Variants in C8orf34 observed in about 807,000 individuals in gnomAD.
C8orf34 encodes the protein uncharacterized protein C8orf34.
A neutral mutation model predicts 68.3 loss-of-function variants in C8orf34; 65 were observed. The observed-to-expected ratio is 0.95, with a 90% CI of 0.78 to 1.17. The LOEUF is 1.17. C8orf34 is among the 50% of genes most tolerant of loss of function. C8orf34 has a pLI of 0.00. For missense variants in C8orf34, 664 were observed against 655.4 expected, an observed-to-expected ratio of 1.01 and a Z score of -0.14; for synonymous variants, 244 against 241.2, an observed-to-expected ratio of 1.01 and a Z score of -0.11.
chr8:68,418,358 T>A (rs1265502161), intron 1 of C8orf34, among the ~76,000 whole-genome samples: 1 of 151,884 alleles, frequency 6.6e-6, no homozygotes, highest in Non-Finnish European at 1.5e-5. Context: ...AGAGAGGGCA[T>A]CCCTGTCTTG....
chr8:68,633,981 A>G (rs1182992401), intron 7 of C8orf34, among the ~76,000 whole-genome samples: 2 of 152,128 alleles, frequency 1.3e-5, no homozygotes, highest in African/African-American at 4.8e-5. Flanking sequence ...AATTTATTTA[A>G]TACTTAATAC....
rs578146644 is a variant in C8orf34, at chr8:68,341,266, G to A, written c.327+9927G>A. On this transcript the variant is annotated intron_variant, in intron 1 of 13. Transcript: ENST00000518698. Reference sequence around the variant, plus strand: ...CTAAGGATGCCAATCCCGTTCATGAGGGTTGTCAAAGTACAGAAGTAGTTC... The same window carrying A: ...CTAAGGATGCCAATCCCGTTCATGAAGGTTGTCAAAGTACAGAAGTAGTTC... Among the ~76,000 whole-genome samples, 6 of 152,244 alleles carry A rather than the reference G, an allele frequency of 3.9e-5. No homozygotes were observed. The South Asian group carries it at 1.0e-3, about 26-fold the overall frequency.
chr8:68,555,370 A>G (rs548917520), intron 7 of C8orf34, among the ~76,000 whole-genome samples: 5 of 152,190 alleles, frequency 3.3e-5, no homozygotes, highest in Admixed American at 3.3e-4. Context: ...GCATTTTATG[A>G]GTGTTGGCTA....
At chr8:68,406,625 A>G (rs1809206674) in intron 1 of C8orf34, among the ~76,000 whole-genome samples, 1 of 151,968 alleles carries the variant, frequency 6.6e-6, no homozygotes, top group South Asian at 2.1e-4. Context: ...CCTTTCAAGT[A>G]GCTGGGACTA....
At chr8:68,668,200 G>C (rs1006385835) in intron 8 of C8orf34, among the ~76,000 whole-genome samples, 3 of 151,590 alleles carry the variant, frequency 2.0e-5, no homozygotes, top group Admixed American at 2.0e-4. Context: ...TTTTTATTTT[G>C]AGCCTCCATT....
rs373025400 is a variant in C8orf34 at position 68,668,049 on chromosome 8, C to T, written c.1241+27538C>T. ...CTAATAATTTAGAAATAATTGACAG[C>T]TCAGAAATTCTAGAAAATAATATAG... On this transcript the variant is annotated intron_variant, in intron 8 of 13. Transcript: ENST00000518698. Among the ~76,000 whole-genome samples the T allele has an allele frequency of 2.5e-4, 38 of 152,080 alleles. No individual in the cohort carries two copies. The East Asian group carries it at 3.3e-3, about 13-fold the overall frequency.
intron 5 of C8orf34, among the ~76,000 whole-genome samples, chr8:68,492,522 T>G (rs1813359323): frequency 6.6e-6 from 1 of 152,012 alleles, no homozygotes; most frequent in Admixed American, 6.6e-5. Flanking sequence ...CATGCCAGGC[T>G]CAAGTCCAGA....
chr8:68,548,281 A>G (rs1815953050), intron 7 of C8orf34, among the ~76,000 whole-genome samples: 2 of 151,958 alleles, frequency 1.3e-5, no homozygotes, highest in Non-Finnish European at 1.5e-5. Context: ...TATATACAAC[A>G]TATTAAAATC....
intron 10 of C8orf34, among the ~76,000 whole-genome samples, chr8:68,775,509 T>C (rs1230827861): frequency 6.6e-6 from 1 of 152,118 alleles, no homozygotes; most frequent in East Asian, 1.9e-4. Context: ...CTGTGATTAC[T>C]AGTGCTCAGT....
intron 3 of C8orf34, chr8:68,447,739 A>G (rs182038605): frequency 6.6e-6 from 1 of 152,334 alleles, no homozygotes; most frequent in Non-Finnish European, 1.5e-5. Flanking sequence ...TGGTACTCAT[A>G]AAAAGTATTG....
At chr8:68,439,262 TC>T (rs1478584641) in intron 1 of C8orf34, 1 of 328,760 alleles carries the variant, frequency 3.0e-6, no homozygotes, top group Non-Finnish European at 5.5e-6. Flanking sequence ...ACTAAATAAA[TC>T]TTGGTTTTGC....
At chr8:68,594,951 G>A (rs1817500589) in intron 7 of C8orf34, among the ~76,000 whole-genome samples, 1 of 151,242 alleles carries the variant, frequency 6.6e-6, no homozygotes, top group African/African-American at 2.4e-5. Flanking sequence ...TTACTTTATG[G>A]TATTTTCTCC....
intron 1 of C8orf34, among the ~76,000 whole-genome samples, chr8:68,389,138 C>T (rs1258074493): frequency 6.6e-6 from 1 of 152,150 alleles, no homozygotes; most frequent in Admixed American, 6.5e-5. Context: ...AATCTCCTGT[C>T]TCTGCTAGAA....
intron 8 of C8orf34, among the ~76,000 whole-genome samples, chr8:68,648,985 A>ATTTGGTTTCATTTTGTTTCAT (rs1819262188): frequency 6.6e-6 from 1 of 152,214 alleles, no homozygotes; most frequent in Non-Finnish European, 1.5e-5. Context: ...CTATGTAAAT[A>ATTTGGTTTCATTTTGTTTCAT]ACCATACATT....
At chr8:68,572,234 GACACACACACAC>G (rs36042681) in intron 7 of C8orf34, among the ~76,000 whole-genome samples, 2 of 145,210 alleles carry the variant, frequency 1.4e-5, no homozygotes, top group Non-Finnish European at 3.1e-5. Context: ...TGACTGTATA[GACACACACACAC>G]ACACACACAC....
At chr8:68,374,110 T>G (rs556516640) in intron 1 of C8orf34, among the ~76,000 whole-genome samples, 21 of 152,278 alleles carry the variant, frequency 1.4e-4, no homozygotes, top group African/African-American at 5.1e-4. Context: ...AGATGCAGTC[T>G]CGCTATTTTT....
At chr8:68,728,098 G>A (rs1821883332) in intron 10 of C8orf34, among the ~76,000 whole-genome samples, 2 of 152,142 alleles carry the variant, frequency 1.3e-5, no homozygotes, top group South Asian at 2.1e-4. Flanking sequence ...ACAGCACCCA[G>A]GTTACATCTT....
intron 8 of C8orf34, among the ~76,000 whole-genome samples, chr8:68,695,273 G>A (rs546640189): frequency 5.4e-4 from 81 of 151,088 alleles, no homozygotes; most frequent in African/African-American, 1.7e-3. Context: ...CAACCTACCC[G>A]AGTAGCTGGG....
At chr8:68,554,788 A>G (rs1272537656) in intron 7 of C8orf34, among the ~76,000 whole-genome samples, 1 of 152,158 alleles carries the variant, frequency 6.6e-6, no homozygotes, top group Non-Finnish European at 1.5e-5. Context: ...CAGATCTAAA[A>G]TTCAAATGCA....
Sources: gnomAD v4.1 joint callset for allele counts (sites outside exome capture counted in the v4.1 genomes callset) on GRCh38, gnomAD v4.1.1 for gene constraint, MANE v1.5 for transcripts, NCBI Gene and HGNC (gene_info 2026-07-23, HGNC 2026-07-21) for gene names.